Variants in CDC42SE2 observed in about 807,000 individuals in gnomAD.
CDC42SE2 encodes the protein CDC42 small effector 2.
CDC42SE2 carries 3 observed loss-of-function variants against 11.5 expected under a neutral mutation model. The observed-to-expected ratio is 0.26, with a 90% CI of 0.12 to 0.67. CDC42SE2 has a LOEUF of 0.67. CDC42SE2 is among the 30% of genes least tolerant of loss of function. CDC42SE2 has a pLI of 0.80. For synonymous variants in CDC42SE2, 33 were observed against 34.8 expected, an observed-to-expected ratio of 0.95 and a Z score of 0.18; for missense variants, 82 against 106.8, an observed-to-expected ratio of 0.77 and a Z score of 1.02.
chr5:131,289,025 T>A (rs1757397556), intron 1 of CDC42SE2, among the ~76,000 whole-genome samples: 1 of 152,008 alleles, frequency 6.6e-6, no homozygotes, highest in African/African-American at 2.4e-5. Flanking sequence ...ATTCTATACA[T>A]TTTTTTTGTA....
chr5:131,377,888 C>T (rs1750202231), intron 3 of CDC42SE2, among the ~76,000 whole-genome samples: 2 of 152,078 alleles, frequency 1.3e-5, no homozygotes, highest in Non-Finnish European at 2.9e-5. Flanking sequence ...AAATATTTGG[C>T]GATAATATTA....
chr5:131,277,946 G>GT (rs1757137816), intron 1 of CDC42SE2, among the ~76,000 whole-genome samples: 2 of 152,066 alleles, frequency 1.3e-5, no homozygotes, highest in Non-Finnish European at 2.9e-5. Context: ...AAGGTGTTCA[G>GT]TAAAAAAAAG....
chr5:131,351,791 A>G (rs909101126), intron 2 of CDC42SE2, among the ~76,000 whole-genome samples: 2 of 152,240 alleles, frequency 1.3e-5, no homozygotes, highest in Non-Finnish European at 2.9e-5. Flanking sequence ...TTAGAACCCA[A>G]AAAGCACAAA....
At chr5:131,372,998 AT>A (rs2149781236) in intron 3 of CDC42SE2, among the ~76,000 whole-genome samples, 1 of 152,290 alleles carries the variant, frequency 6.6e-6, no homozygotes, top group African/African-American at 2.4e-5. Flanking sequence ...TTTTGCTTTT[AT>A]CCCCATTGGT....
chr5:131,315,396 C>T (rs1306162839), intron 1 of CDC42SE2, among the ~76,000 whole-genome samples: 3 of 152,034 alleles, frequency 2.0e-5, no homozygotes, highest in African/African-American at 7.2e-5. Context: ...TAAAATGTTC[C>T]CTGGGAGCTA....
At chr5:131,329,789 G>C (rs1225726090) in intron 2 of CDC42SE2, among the ~76,000 whole-genome samples, 1 of 147,314 alleles carries the variant, frequency 6.8e-6, no homozygotes, top group Non-Finnish European at 1.5e-5. Context: ...TGAGGCAGGA[G>C]AATTGCTTGA....
chr5:131,277,076 A>G (rs1359415338), intron 1 of CDC42SE2, among the ~76,000 whole-genome samples: 1 of 152,180 alleles, frequency 6.6e-6, no homozygotes, highest in African/African-American at 2.4e-5. Flanking sequence ...TTACATACCA[A>G]ATAAAATCAT....
chr5:131,384,944 A>T (rs1750436146), intron 3 of CDC42SE2, among the ~76,000 whole-genome samples: 2 of 150,362 alleles, frequency 1.3e-5, no homozygotes, highest in Non-Finnish European at 1.5e-5. Context: ...AATTAAGAAG[A>T]GTGAGTAAGA....
chr5:131,213,911 G>A, the CDC42SE2 span, among the ~76,000 whole-genome samples: 1 of 151,646 alleles, frequency 6.6e-6, no homozygotes, highest in Admixed American at 6.6e-5. Context: ...CCCCAATTTC[G>A]ACTGAATGCA....
intron 3 of CDC42SE2, among the ~76,000 whole-genome samples, chr5:131,371,125 ACTAT>A (rs1374348177): frequency 2.0e-5 from 3 of 152,218 alleles, no homozygotes; most frequent in South Asian, 2.1e-4. Context: ...TATTTTAATA[ACTAT>A]CTGGGGCTGG....
chr5:131,264,368 G>A (rs983019383), intron 1 of CDC42SE2, among the ~76,000 whole-genome samples: 1 of 152,190 alleles, frequency 6.6e-6, no homozygotes, highest in Non-Finnish European at 1.5e-5. Flanking sequence ...TCATGCCCTA[G>A]GACCCTGCCT....
At chr5:131,305,759 C>T (rs901072015) in intron 1 of CDC42SE2, among the ~76,000 whole-genome samples, 6 of 152,040 alleles carry the variant, frequency 3.9e-5, no homozygotes, top group African/African-American at 1.4e-4. Flanking sequence ...TTAGTTGATG[C>T]AGTCCTGTTT....
chr5:131,352,131 T>C (rs571582526), intron 2 of CDC42SE2, among the ~76,000 whole-genome samples: 1 of 152,282 alleles, frequency 6.6e-6, no homozygotes, highest in Admixed American at 6.5e-5. Flanking sequence ...TTAAAAAGAT[T>C]GATAGTACAA....
At chr5:131,211,000 G>A in the CDC42SE2 span, among the ~76,000 whole-genome samples, 1 of 152,182 alleles carries the variant, frequency 6.6e-6, no homozygotes, top group Non-Finnish European at 1.5e-5. Context: ...ATCACGCCCA[G>A]CTAATTTGTG....
intron 2 of CDC42SE2, among the ~76,000 whole-genome samples, chr5:131,339,680 G>A (rs1233004660): frequency 6.6e-6 from 1 of 151,580 alleles, no homozygotes; most frequent in South Asian, 2.1e-4. Flanking sequence ...GGTGGTGGGC[G>A]CCTGTTGTAG....
chr5:131,344,485 T>TA (rs546808900), intron 2 of CDC42SE2, among the ~76,000 whole-genome samples: 120 of 151,980 alleles, frequency 7.9e-4, no homozygotes, highest in South Asian at 6.7e-3. Flanking sequence ...CTTGAGTAGG[T>TA]AAAAAGAGCG....
chr5:131,238,349 A>G, the CDC42SE2 span, among the ~76,000 whole-genome samples: 10 of 152,002 alleles, frequency 6.6e-5, no homozygotes, highest in Non-Finnish European at 4.4e-5. Flanking sequence ...TACGAAAACA[A>G]AAAATTAGCC....
intron 1 of CDC42SE2, among the ~76,000 whole-genome samples, chr5:131,303,238 A>G (rs560650515): frequency 6.6e-6 from 1 of 152,190 alleles, no homozygotes; most frequent in Non-Finnish European, 1.5e-5. Context: ...ATTGAACTAG[A>G]TTTCTTACAG....
At chr5:131,352,389 A>G (rs1361629940) in intron 2 of CDC42SE2, among the ~76,000 whole-genome samples, 1 of 152,242 alleles carries the variant, frequency 6.6e-6, no homozygotes, top group African/African-American at 2.4e-5. Flanking sequence ...TAGAGACAAC[A>G]TAGGTAAATC....
Sources: gnomAD v4.1 joint callset for allele counts (sites outside exome capture counted in the v4.1 genomes callset) on GRCh38, gnomAD v4.1.1 for gene constraint, MANE v1.5 for transcripts, NCBI Gene and HGNC (gene_info 2026-07-23, HGNC 2026-07-21) for gene names.